Variants in SNRPN observed in about 807,000 individuals in gnomAD.
SNRPN encodes small nuclear ribonucleoprotein-associated protein N.
In SNRPN, 7 loss-of-function variants were observed where a neutral mutation model predicts 25.2. The observed-to-expected ratio is 0.28, with a 90% CI of 0.16 to 0.52. The LOEUF (loss-of-function observed/expected upper bound fraction) is 0.52, where lower values mean the gene tolerates loss of function less well. Ranked by LOEUF, SNRPN falls within the 20% of genes least tolerant of loss-of-function variation. The pLI is 0.96. For missense variants in SNRPN, 196 were observed against 322.5 expected (o/e 0.61, Z 3.00); for synonymous variants, 124 against 110.6 (o/e 1.12, Z -0.76).
At chr15:24,840,741 C>T (rs1011206429) in intron 2 of SNRPN, among the ~76,000 whole-genome samples, 3 of 152,216 alleles carry the variant, frequency 2.0e-5, no homozygotes, top group African/African-American at 7.2e-5. Flanking sequence ...TTGCCTGTAT[C>T]TGGGATACTG....
chr15:24,976,759 A>G, intron 6 of SNRPN, 118 bp from the exon 7 acceptor site: 2 of 878,484 alleles, frequency 2.3e-6, no homozygotes, highest in Non-Finnish European at 3.6e-6. Context: ...ATTTGGACAC[A>G]GAACTAATAT....
chr15:24,976,796 G>A, intron 6 of SNRPN, 81 bp from the exon 7 acceptor site: 1 of 1,276,320 alleles, frequency 7.8e-7, no homozygotes, highest in Admixed American at 2.1e-5. Flanking sequence ...GAAAATGGTG[G>A]AGAGAAGTGA....
chr15:24,953,365 C>T (rs1392982774), upstream of SNRPN, among the ~76,000 whole-genome samples: 1 of 152,166 alleles, frequency 6.6e-6, no homozygotes, highest in Non-Finnish European at 1.5e-5. Flanking sequence ...TGCCCTGTCA[C>T]CAGGCTGGAG....
chr15:24,928,553 A>G (rs982596911), intron 3 of SNRPN, among the ~76,000 whole-genome samples: 8 of 150,458 alleles, frequency 5.3e-5, no homozygotes, highest in African/African-American at 1.7e-4. Flanking sequence ...ACAATTATAA[A>G]TAATGGTCAG....
intron 2 of SNRPN, among the ~76,000 whole-genome samples, chr15:24,919,315 C>G (rs1036390659): frequency 6.6e-6 from 1 of 151,312 alleles, no homozygotes; most frequent in Admixed American, 6.6e-5. Flanking sequence ...CCTGTAGTCC[C>G]AGCTACTCGG....
intron 2 of SNRPN, among the ~76,000 whole-genome samples, chr15:24,915,378 G>A (rs1022753585): frequency 2.0e-5 from 3 of 152,002 alleles, no homozygotes; most frequent in Admixed American, 6.6e-5. Flanking sequence ...TGCCCGCTTC[G>A]GCCACCCAAG....
upstream of SNRPN, among the ~76,000 whole-genome samples, chr15:24,952,859 C>T (rs984804795): frequency 2.6e-5 from 4 of 151,682 alleles, no homozygotes; most frequent in African/African-American, 9.7e-5. Flanking sequence ...CCTAAAGAAA[C>T]ATGATTATAA....
chr15:24,831,478 C>A, intron 2 of SNRPN, among the ~76,000 whole-genome samples: 1 of 151,776 alleles, frequency 6.6e-6, no homozygotes, highest in East Asian at 1.9e-4. Context: ...AGTTATTTTT[C>A]GTGGCAAGAA....
intron 3 of SNRPN, among the ~76,000 whole-genome samples, chr15:24,930,586 A>G (rs1487557225): frequency 8.8e-6 from 1 of 114,244 alleles, no homozygotes; most frequent in African/African-American, 2.7e-5. Context: ...TCTCTACAAA[A>G]ATACAAAAAA....
At chr15:24,975,789 TATTA>T (rs2076994541) in intron 5 of SNRPN, among the ~76,000 whole-genome samples, 1 of 152,218 alleles carries the variant, frequency 6.6e-6, no homozygotes, top group South Asian at 2.1e-4. Flanking sequence ...AAAAATGCTA[TATTA>T]ATTAATTGGT....
chr15:24,912,296 G>A (rs1566902105), intron 2 of SNRPN: 1 of 152,070 alleles, frequency 6.6e-6, no homozygotes. Context: ...TTTTATAAAG[G>A]GAATGTTTAT....
intron 2 of SNRPN, among the ~76,000 whole-genome samples, chr15:24,908,052 C>CAAAAAAAAAAA (rs71127014): frequency 1.3e-4 from 9 of 70,710 alleles, no homozygotes; most frequent in East Asian, 4.1e-4. Context: ...GACTCCATCT[C>CAAAAAAAAAAA]AAAAAAAAAA....
At chr15:24,946,514 G>C (rs2061899015) in intron 3 of SNRPN, among the ~76,000 whole-genome samples, 1 of 152,196 alleles carries the variant, frequency 6.6e-6, no homozygotes, top group African/African-American at 2.4e-5. Context: ...CTATCACCCA[G>C]ACTAGAGTGC....
chr15:24,937,317 A>C, intron 3 of SNRPN, among the ~76,000 whole-genome samples: 1 of 152,160 alleles, frequency 6.6e-6, no homozygotes, highest in East Asian at 1.9e-4. Flanking sequence ...GTATTTAAAA[A>C]ATTTTCAGTG....
chr15:24,874,652 AT>A (rs1184240194), intron 1 of SNRPN, among the ~76,000 whole-genome samples: 2 of 152,342 alleles, frequency 1.3e-5, no homozygotes, highest in Middle Eastern at 3.4e-3. Flanking sequence ...CATGAACTTG[AT>A]CTGAAAACCT....
intron 3 of SNRPN, among the ~76,000 whole-genome samples, chr15:24,930,316 T>A (rs1475667158): frequency 6.6e-6 from 1 of 151,272 alleles, no homozygotes; most frequent in East Asian, 1.9e-4. Context: ...ATTTCAATGA[T>A]GAGATGGAGA....
chr15:24,927,650 A>G (rs960121305), intron 3 of SNRPN, among the ~76,000 whole-genome samples: 1 of 151,960 alleles, frequency 6.6e-6, no homozygotes, highest in Non-Finnish European at 1.5e-5. Context: ...CAATTATTTT[A>G]TCTAATCTAC....
chr15:24,853,469 C>T (rs1398546071), upstream of SNRPN, among the ~76,000 whole-genome samples: 1 of 151,778 alleles, frequency 6.6e-6, no homozygotes, highest in East Asian at 1.9e-4. Context: ...TCTCGGCTTG[C>T]TGCAAGCTCC....
chr15:24,929,225 C>G lies in SNRPN; in HGVS notation c.-391+9101C>G, dbSNP rs2060631613. Among the ~76,000 whole-genome samples, 1 of 150,074 alleles carries G rather than the reference C, an allele frequency of 6.7e-6. No homozygotes were observed. The highest frequency in any genetic ancestry group is 1.5e-5 in the Non-Finnish European group (1 of 67,390). On this transcript the variant is annotated intron_variant, in intron 3 of 11. Coordinates refer to the SNRPN transcript ENST00000400097. The surrounding 1 kb of genome is among the most constrained non-coding windows in gnomAD (Gnocchi z 5.3). Reference sequence around the variant, plus strand: ...TGTATTTATAGTGATATTTTCCATCCCAATCTACACCGCAGGGTTTTTCCT... The same window carrying G: ...TGTATTTATAGTGATATTTTCCATCGCAATCTACACCGCAGGGTTTTTCCT...
Sources: gnomAD v4.1 joint callset for allele counts (sites outside exome capture counted in the v4.1 genomes callset) on GRCh38, gnomAD v4.1.1 for gene constraint, Gnocchi (gnomAD v3.1) non-coding constraint, MANE v1.5 for transcripts, NCBI Gene and HGNC (gene_info 2026-07-23, HGNC 2026-07-21) for gene names.